Variants in SLC13A5 observed in about 807,000 individuals in gnomAD.
The protein encoded by SLC13A5 is solute carrier family 13 member 5.
SLC13A5 carries 25 observed loss-of-function variants against 56.5 expected under a neutral mutation model. The ratio of observed to expected loss-of-function variants is 0.44; its 90% CI spans 0.32 to 0.62. The LOEUF is 0.62. SLC13A5 is among the 20% of genes least tolerant of loss of function. The pLI is 0.04. For missense variants in SLC13A5, 649 were observed against 737.8 expected (o/e 0.88, Z 1.39); for synonymous variants, 307 against 301.5 (o/e 1.02, Z -0.19).
Position 6,712,845 on chromosome 17 carries a change from G to T in SLC13A5, c.102+387C>A, listed in dbSNP as rs1351676272. On this transcript the variant is annotated intron_variant, in intron 1 of 11. Transcript: ENST00000433363. ...GAGAGAGGGAAAGGCAAGCTCCCAGGTTCCCTGTTGGCGCAGGTGGCATTT... is the reference window on the plus strand; with the variant it reads ...GAGAGAGGGAAAGGCAAGCTCCCAGTTTCCCTGTTGGCGCAGGTGGCATTT... Among the ~76,000 whole-genome samples the T allele has an allele frequency of 1.3e-5, 2 of 152,232 alleles. 1 individual carries two copies. Among genetic ancestry groups the T allele is most frequent in the South Asian group, 4.1e-4 (2 of 4,834 alleles).
rs746999375 is a variant in SLC13A5 at position 6,695,744 on chromosome 17, C to A, written c.1037G>T (p.Trp346Leu). 4.2e-5 allele frequency: 67 copies of A among 1,614,050 alleles called. 1 individual carries two copies. The Admixed American group carries it at 1.1e-3, about 27-fold the overall frequency. The change falls in exon 7 of 12, where the codon TGG becomes TTG. Residue 346 changes from tryptophan to leucine, a missense_variant. By Grantham distance (61) the Trp-to-Leu change is moderately conservative. Coordinates refer to ENST00000433363, the MANE Select transcript of SLC13A5 (RefSeq NM_177550.5). ...GFMPGWLTVA[W>L]VEGETKYVSD... ...GACTTACTTTGTCTCACCCTCCACC[C>A]AGGCAACAGTCAGCCAGCCGGGCAT...
At position 6,685,172 on chromosome 17, in the gene SLC13A5, C is replaced by G. The variant is rs1250867692; in HGVS notation, c.*1035G>C. On this transcript the variant is annotated 3_prime_UTR_variant, in exon 12 of 12. Coordinates refer to ENST00000433363, the MANE Select transcript of SLC13A5 (RefSeq NM_177550.5). This position sits in a 1 kb window ranked among gnomAD's most constrained non-coding sequence, Gnocchi z 4.2. ...CCAGTCAACAAAGGGAAGATTTTAC[C>G]CAGAGGAGCTCAAACGCTGGCATGA... 1 of 152,182 alleles carries G rather than the reference C, an allele frequency of 6.6e-6. No homozygotes were observed. The highest frequency in any genetic ancestry group is 1.5e-5 in the Non-Finnish European group (1 of 68,074). The allele number at this position is 152,182 out of a possible 1,614,324, so 9.4% of individuals were successfully genotyped here.
chr17:6,686,488 T>C, intron 11 of SLC13A5, 150 bp from the exon 12 acceptor site: 1 of 889,792 alleles, frequency 1.1e-6, no homozygotes, highest in South Asian at 1.7e-5. Context: ...ACAGTGCGAC[T>C]TCATGTCCCC....
Position 6,686,052 on chromosome 17 carries a change from G to T in SLC13A5, c.*155C>A. 9.5e-7 allele frequency: 1 copy of T among 1,051,336 alleles called. No homozygotes were observed. The highest frequency in any genetic ancestry group is 1.4e-6 in the Non-Finnish European group (1 of 716,992). 65.1% of individuals were successfully genotyped at this position (1,051,336 alleles called of 1,614,324 possible). A position where few individuals can be genotyped will look rare whatever the true frequency, so the allele number is the denominator to read the frequency against. On this transcript the variant is annotated 3_prime_UTR_variant, in exon 12 of 12. Coordinates refer to ENST00000433363, the MANE Select transcript of SLC13A5 (RefSeq NM_177550.5). ...CATGACCATCTCTGCATCTGGGCTTGGAGGAAGAGGTGGCCCATTGGCTGG... is the reference window on the plus strand; with the variant it reads ...CATGACCATCTCTGCATCTGGGCTTTGAGGAAGAGGTGGCCCATTGGCTGG...
At position 6,713,169 on chromosome 17, in the gene SLC13A5, C is replaced by A; in HGVS notation, c.102+63G>T. 2.0e-6 allele frequency: 3 copies of A among 1,526,750 alleles called. No individual in the cohort carries two copies. In the South Asian group the frequency reaches 3.4e-5, roughly 17 times the overall value. 94.6% of individuals were successfully genotyped at this position (1,526,750 alleles called of 1,614,324 possible). On this transcript the variant is annotated intron_variant, in intron 1 of 11. Coordinates refer to ENST00000433363, the MANE Select transcript of SLC13A5 (RefSeq NM_177550.5). This position sits in a 1 kb window ranked among gnomAD's most constrained non-coding sequence, Gnocchi z 7.3. ...CGCTCCAGCTCAGGGCTCCCGGGAT[C>A]GGTGCCCGTTAGTGGGCACAGGACG...
rs1973233664 is a variant in SLC13A5, at chr17:6,685,965, A to C, written c.*242T>G. 1.9e-6 allele frequency: 1 copy of C among 540,452 alleles called. No homozygotes were observed. Among genetic ancestry groups the C allele is most frequent in the African/African-American group, 1.9e-5 (1 of 52,902 alleles). 33.5% of individuals were successfully genotyped at this position (540,452 alleles called of 1,614,324 possible). ...ACAGAGATAATGGCAAGGCTTGGGA[A>C]AGATGGGTCCAGCAGCCCACTGAGG... On this transcript the variant is annotated 3_prime_UTR_variant, in exon 12 of 12. Transcript: ENST00000433363. The surrounding 1 kb of genome is among the most constrained non-coding windows in gnomAD (Gnocchi z 4.2).
At chr17:6,690,345 C>T (rs2062540700) in intron 10 of SLC13A5, among the ~76,000 whole-genome samples, 1 of 152,068 alleles carries the variant, frequency 6.6e-6, no homozygotes, top group African/African-American at 2.4e-5. Context: ...CTCTCCCTTC[C>T]TACCTACTCC....
intron 6 of SLC13A5, among the ~76,000 whole-genome samples, chr17:6,699,023 A>G (rs1973633339): frequency 6.6e-6 from 1 of 151,322 alleles, no homozygotes; most frequent in Non-Finnish European, 1.5e-5. Context: ...AGCCTGGGTG[A>G]CAGAGCAAGA....
At chr17:6,697,159 T>C (rs1973584609) in intron 6 of SLC13A5, among the ~76,000 whole-genome samples, 1 of 152,132 alleles carries the variant, frequency 6.6e-6, no homozygotes, top group Non-Finnish European at 1.5e-5. Flanking sequence ...AGACAGGGCC[T>C]CTCTGCTGCC....
chr17:6,694,164 C>A lies in SLC13A5; in HGVS notation c.1089G>T (p.Val363=), dbSNP rs761407467. 1 of 1,613,260 alleles carries A rather than the reference C, an allele frequency of 6.2e-7. No individual in the cohort carries two copies. Among genetic ancestry groups the A allele is most frequent in the East Asian group, 2.2e-5 (1 of 44,838 alleles). The part of the protein sequence containing the change: ...YVSDATVAIF[V]ATLLFIVPSQ... The stretch of plus-strand genomic sequence containing the variant: ...AAGGCACAATGAATAGCAGGGTGGC[C>A]ACAAAGATGGCCACAGTGGCATCGG... The change falls in exon 8 of 12, where the codon GTG becomes GTT. Residue 363 remains valine (V), a synonymous_variant. Transcript: ENST00000433363.
chr17:6,700,892 G>A, intron 6 of SLC13A5, 112 bp downstream of exon 6: 1 of 1,486,828 alleles, frequency 6.7e-7, no homozygotes, highest in Non-Finnish European at 9.1e-7. Context: ...GCTGGAGAAA[G>A]ATCAGGGCCA....
chr17:6,697,630 A>G lies in SLC13A5; in HGVS notation c.840-1689T>C, dbSNP rs191976501. ...ATGCACCATGGTGAACTTGGACTGA[A>G]TATGTTGCAGAGCCAACAAGAGGGG... On this transcript the variant is annotated intron_variant, in intron 6 of 11. Coordinates refer to ENST00000433363, the MANE Select transcript of SLC13A5 (RefSeq NM_177550.5). Among the ~76,000 whole-genome samples the G allele has an allele frequency of 1.6e-3, 248 of 152,332 alleles. 1 individual carries two copies. The highest frequency in any genetic ancestry group is 4.4e-3 in the African/African-American group (182 of 41,570).
chr17:6,701,170 G>A lies in SLC13A5; in HGVS notation c.717-44C>T. The A allele has an allele frequency of 3.7e-6, 6 of 1,609,852 alleles. No individual in the cohort carries two copies. The highest frequency in any genetic ancestry group is 5.1e-6 in the Non-Finnish European group (6 of 1,178,204). ...CCCCACCTCAGATGCTGAGCTGTGG[G>A]AGCCAGCCTGGCCCTGTGCGTGGGG... On this transcript the variant is annotated intron_variant, in intron 5 of 11. Coordinates refer to ENST00000433363, the MANE Select transcript of SLC13A5 (RefSeq NM_177550.5). This position sits in a 1 kb window ranked among gnomAD's most constrained non-coding sequence, Gnocchi z 4.1.
chr17:6,707,581 G>A (rs1200268889), intron 1 of SLC13A5, among the ~76,000 whole-genome samples: 1 of 152,118 alleles, frequency 6.6e-6, no homozygotes, highest in Non-Finnish European at 1.5e-5. Flanking sequence ...AGGAGGAAGA[G>A]GAGAAGGAGA....
intron 7 of SLC13A5, among the ~76,000 whole-genome samples, chr17:6,694,715 T>A (rs1973512211): frequency 1.3e-5 from 2 of 152,198 alleles, no homozygotes; most frequent in Non-Finnish European, 2.9e-5. Context: ...AGCAGTTTAC[T>A]TCCCCCTCTC....
intron 2 of SLC13A5, 94 bp downstream of exon 2, chr17:6,706,934 G>A (rs558787481): frequency 2.9e-5 from 46 of 1,568,062 alleles, no homozygotes; most frequent in South Asian, 7.1e-5. Context: ...AGGGTTTTCC[G>A]GTCACCCCCA....
chr17:6,698,121 C>G (rs1973608271), intron 6 of SLC13A5, among the ~76,000 whole-genome samples: 1 of 152,364 alleles, frequency 6.6e-6, no homozygotes, highest in African/African-American at 2.4e-5. Flanking sequence ...CCTCTACCTT[C>G]CAGATCTGGA....
chr17:6,694,428 C>T (rs551312795), intron 7 of SLC13A5, among the ~76,000 whole-genome samples: 1 of 152,182 alleles, frequency 6.6e-6, no homozygotes, highest in South Asian at 2.1e-4. Flanking sequence ...ACCAGCCTGG[C>T]CAACATAGTG....
rs759952783 is a variant in SLC13A5 at position 6,693,084 on chromosome 17, A to C, written c.1235T>G (p.Leu412Arg). 6.2e-7 allele frequency: 1 copy of C among 1,614,082 alleles called. No individual in the cohort carries two copies. Among genetic ancestry groups the C allele is most frequent in the South Asian group, 1.1e-5 (1 of 91,070 alleles). Residue 412 changes from leucine to arginine, a missense_variant, in exon 9 of 12, where the codon CTG becomes CGG. Physicochemically the swap from Leu to Arg is moderately radical, Grantham distance 102. Transcript: ENST00000433363. Reference protein sequence around the residue: ...TQEKVPWGIVLLLGGGFALAK... With the variant: ...TQEKVPWGIVRLLGGGFALAK... Reference sequence around the variant, plus strand: ...CAGAGCAAATCCGCCCCCTAGTAGCAGCACGATGCCCCAGGGCACTTTCTC... The same window carrying C: ...CAGAGCAAATCCGCCCCCTAGTAGCCGCACGATGCCCCAGGGCACTTTCTC...
Sources: gnomAD v4.1 joint callset for allele counts (sites outside exome capture counted in the v4.1 genomes callset) on GRCh38, gnomAD v4.1.1 for gene constraint, Gnocchi (gnomAD v3.1) non-coding constraint, MANE v1.5 for transcripts, NCBI Gene and HGNC (gene_info 2026-07-23, HGNC 2026-07-21) for gene names.